The following COPS3 variants were observed in gnomAD, a reference collection of about 807,000 sequenced individuals.
COPS3 encodes COP9 signalosome subunit 3, also known as COP9 signalosome complex subunit 3.
A neutral mutation model predicts 58.2 loss-of-function variants in COPS3; 10 were observed. The ratio of observed to expected loss-of-function variants is 0.17; its 90% CI spans 0.11 to 0.29. COPS3 has a LOEUF of 0.29. Among genes scored for constraint, COPS3 ranks in the 10% least tolerant of loss-of-function variants. The probability of loss-of-function intolerance (pLI) is 1.00; values close to 1 mark genes in which losing one functional copy is unlikely to be tolerated. For missense variants in COPS3, 333 were observed against 510.1 expected (o/e 0.65, Z 3.34); for synonymous variants, 187 against 181.7 (o/e 1.03, Z -0.24).
chr17:17,248,956 G>A lies in COPS3; in HGVS notation c.1107C>T (p.Asn369=), dbSNP rs1461954917. The A allele has an allele frequency of 3.1e-6, 5 of 1,606,990 alleles. No individual in the cohort carries two copies. ...GATCAATGTTATGAAGCATGGCTGG[G>A]TTATTATATTTTTCAGGGTTATCAT... ...SFHDNPEKYN[N]PAMLHNIDQE... The change falls in exon 10 of 12, where the codon AAC becomes AAT. Residue 369 remains asparagine, a synonymous_variant. Coordinates refer to ENST00000268717, the MANE Select transcript of COPS3 (RefSeq NM_003653.4).
At chr17:17,264,754 T>C in intron 6 of COPS3, 48 bp downstream of exon 6, 5 of 1,535,298 alleles carry the variant, frequency 3.3e-6, no homozygotes, top group Non-Finnish European at 4.4e-6. Context: ...AGCACTTTTT[T>C]GATCACACAA....
In COPS3 at chr17:17,260,485, A is replaced by G. The variant is rs770154004; in HGVS notation, c.763-11T>C. ...TGCATTGCTAAGAGGCTAAAGATGC[A>G]AAGGAGGGAAAAAATTCAGATTAAA... is the stretch of plus-strand genomic sequence containing the variant. On this transcript the variant is annotated splice_polypyrimidine_tract_variant and intron_variant, in intron 7 of 11. Coordinates refer to ENST00000268717, the MANE Select transcript of COPS3 (RefSeq NM_003653.4). 103 of 1,612,800 alleles carry G rather than the reference A, an allele frequency of 6.4e-5. 1 individual carries two copies. The Admixed American group carries it at 1.0e-3, about 16-fold the overall frequency.
At chr17:17,255,839 A>AAAATAAATAAAT (rs144619560) in intron 8 of COPS3, among the ~76,000 whole-genome samples, 11,243 of 127,260 alleles carry the variant, frequency 0.088, 663 homozygotes, top group African/African-American at 0.16. Flanking sequence ...ACTCCATCTC[A>AAAATAAATAAAT]AAATAAATAA....
intron 10 of COPS3, 137 bp from the exon 11 acceptor site, chr17:17,247,697 G>A (rs768483639): frequency 1.5e-5 from 11 of 741,196 alleles, no homozygotes; most frequent in South Asian, 1.3e-4. Context: ...ATGGGTTTTG[G>A]AGCCAGAGTA....
intron 10 of COPS3, 57 bp downstream of exon 10, chr17:17,248,869 T>C: frequency 8.8e-7 from 1 of 1,132,396 alleles, no homozygotes; most frequent in Non-Finnish European, 1.3e-6. Context: ...TAGGAGCAAT[T>C]TTCAAATACA....
intron 9 of COPS3, among the ~76,000 whole-genome samples, chr17:17,254,436 G>A (rs946292859): frequency 3.9e-5 from 6 of 151,944 alleles, no homozygotes; most frequent in Non-Finnish European, 7.4e-5. Context: ...GGCTCCCCCC[G>A]CTTTTCTCCT....
chr17:17,277,966 T>C (rs1008955539), intron 1 of COPS3, among the ~76,000 whole-genome samples: 1 of 151,930 alleles, frequency 6.6e-6, no homozygotes, highest in Non-Finnish European at 1.5e-5. Context: ...AAACCCTGTC[T>C]CCACTAAAAA....
intron 5 of COPS3, among the ~76,000 whole-genome samples, chr17:17,265,210 G>A (rs2048193784): frequency 5.3e-5 from 8 of 152,148 alleles, no homozygotes; most frequent in Admixed American, 5.2e-4. Context: ...TACCAGTTAA[G>A]CATCCCTAAT....
rs1190217839 is a variant in COPS3 at position 17,274,012 on chromosome 17, CT to C, written c.185+2022del. Among the ~76,000 whole-genome samples, 3 of 152,298 alleles carry C rather than the reference CT, an allele frequency of 2.0e-5. No individual in the cohort carries two copies. The East Asian group carries it at 5.8e-4, about 29-fold the overall frequency. On this transcript the variant is annotated intron_variant, in intron 2 of 11. Transcript: ENST00000268717. ...AGCCTGAGTGACATCAAGACCCTATCTCAAGAAAGAACAGAGAGCATGCATG... is the reference window on the plus strand; with the variant it reads ...AGCCTGAGTGACATCAAGACCCTATCCAAGAAAGAACAGAGAGCATGCATG...
At chr17:17,261,406 G>A (rs2048096506) in intron 7 of COPS3, among the ~76,000 whole-genome samples, 1 of 151,720 alleles carries the variant, frequency 6.6e-6, no homozygotes, top group Non-Finnish European at 1.5e-5. Context: ...CACACCTGTA[G>A]TCCCAGCTAC....
chr17:17,280,600 A>G (rs916767617), intron 1 of COPS3: 38 of 1,301,860 alleles, frequency 2.9e-5, no homozygotes, highest in African/African-American at 7.6e-5. Context: ...AGCATTCTGT[A>G]GGACCAAAAT....
intron 8 of COPS3, among the ~76,000 whole-genome samples, chr17:17,258,060 A>G (rs2048017452): frequency 6.6e-6 from 1 of 152,178 alleles, no homozygotes; most frequent in South Asian, 2.1e-4. Context: ...AAAATGGAGC[A>G]GCCACTATCA....
chr17:17,255,162 T>C, intron 8 of COPS3: 1 of 392,378 alleles, frequency 2.5e-6, no homozygotes, highest in Non-Finnish European at 4.7e-6. Flanking sequence ...TTAGCTGGTA[T>C]GGTGGTGCAC....
intron 1 of COPS3, among the ~76,000 whole-genome samples, chr17:17,280,103 TA>T (rs1462487515): frequency 6.6e-6 from 1 of 151,416 alleles, no homozygotes; most frequent in African/African-American, 2.4e-5. Context: ...CCATCTCTAT[TA>T]AAAATACGAA....
chr17:17,259,829 G>A (rs1280594590), intron 8 of COPS3, among the ~76,000 whole-genome samples: 1 of 152,098 alleles, frequency 6.6e-6, no homozygotes, highest in Non-Finnish European at 1.5e-5. Context: ...AGGAGGCAGA[G>A]GGTGCAATGA....
At position 17,261,978 on chromosome 17, in the gene COPS3, A is replaced by G. The variant is rs2048110975; in HGVS notation, c.750T>C (p.Gly250=). 6.3e-7 allele frequency: 1 copy of G among 1,587,968 alleles called. No homozygotes were observed. Among genetic ancestry groups the G allele is most frequent in the Admixed American group, 1.8e-5 (1 of 54,230 alleles). The change falls in exon 7 of 12, where the codon GGT becomes GGC. Residue 250 remains glycine, a synonymous_variant. Transcript: ENST00000268717. ...GTAAAAAACTTACCTTAATGAATCT[A>G]CCCACAATTTGAGATGTATATTTTG... ...QLPKYTSQIV[G]RFIKPLSNAY...
intron 9 of COPS3, among the ~76,000 whole-genome samples, chr17:17,250,771 GCC>G (rs1216132326): frequency 6.6e-6 from 1 of 152,174 alleles, no homozygotes; most frequent in Non-Finnish European, 1.5e-5. Flanking sequence ...GAAACTGCTG[GCC>G]TACTTGTCTC....
chr17:17,265,266 A>C (rs1405033905), intron 5 of COPS3, among the ~76,000 whole-genome samples: 1 of 152,202 alleles, frequency 6.6e-6, no homozygotes, highest in Non-Finnish European at 1.5e-5. Flanking sequence ...TTTGAGTGCC[A>C]AGTTGGCATT....
chr17:17,269,455 G>T (rs2048299385), intron 4 of COPS3, among the ~76,000 whole-genome samples: 1 of 151,988 alleles, frequency 6.6e-6, no homozygotes, highest in African/African-American at 2.4e-5. Flanking sequence ...AATCAGCTGG[G>T]AAAGGTGACA....
Sources: allele counts gnomAD v4.1 joint callset (sites outside exome capture counted in the v4.1 genomes callset), GRCh38; gene constraint gnomAD v4.1.1; transcripts MANE v1.5; gene names NCBI Gene and HGNC (gene_info 2026-07-23, HGNC 2026-07-21).